HMGCLL1: variants seen among roughly 807,000 people sequenced by gnomAD.
The protein encoded by HMGCLL1 is 3-hydroxy-3-methylglutaryl-CoA lyase like 1, also known as 3-hydroxymethyl-3-methylglutaryl-CoA lyase, cytoplasmic.
In HMGCLL1, 36 loss-of-function variants were observed where a neutral mutation model predicts 39.1. That is an observed-to-expected ratio of 0.92 (90% confidence interval 0.71 to 1.22). The LOEUF (loss-of-function observed/expected upper bound fraction) is 1.22. Ranked by LOEUF, HMGCLL1 falls within the 50% of genes most tolerant of loss-of-function variation. The pLI is 0.00. For missense variants in HMGCLL1, 451 were observed against 416.5 expected (o/e 1.08, Z -0.72); for synonymous variants, 149 against 144.0 (o/e 1.03, Z -0.25).
At chr6:55,540,931 G>C (rs1047795669) in intron 3 of HMGCLL1, among the ~76,000 whole-genome samples, 26 of 152,116 alleles carry the variant, frequency 1.7e-4, no homozygotes, top group Non-Finnish European at 7.3e-5. Flanking sequence ...GGTCATGAAA[G>C]ATGTCAGAGA....
chr6:55,546,070 A>C (rs4596474), intron 1 of HMGCLL1, among the ~76,000 whole-genome samples: 98,411 of 151,910 alleles, frequency 0.65, 32,180 homozygotes, highest in Admixed American at 0.71. Flanking sequence ...GTTTGCTAGA[A>C]AAACATTCTT....
the HMGCLL1 span, among the ~76,000 whole-genome samples, chr6:55,595,200 C>A: frequency 1.3e-5 from 2 of 152,158 alleles, no homozygotes; most frequent in African/African-American, 4.8e-5. Context: ...GAATCACAAT[C>A]ATTTTATGAA....
rs185863887 is a variant in HMGCLL1, at chr6:55,457,964, C to G, written c.796-18405G>C. On this transcript the variant is annotated intron_variant, in intron 7 of 8. Transcript: ENST00000274901. ...GGAAGAGAGAAGGATGCTGCAATTT[C>G]TAGGTCCTCACTAGAACCACATATT... Among the ~76,000 whole-genome samples the G allele has an allele frequency of 2.3e-4, 35 of 152,244 alleles. 1 individual carries two copies. In the East Asian group the frequency reaches 6.4e-3, roughly 28 times the overall value.
upstream of HMGCLL1, among the ~76,000 whole-genome samples, chr6:55,583,169 T>A (rs993516323): frequency 5.3e-5 from 8 of 152,262 alleles, no homozygotes; most frequent in Admixed American, 2.6e-4. Flanking sequence ...TGTAAACTTA[T>A]CTTTGATGAA....
At chr6:55,650,094 T>TAC in the HMGCLL1 span, among the ~76,000 whole-genome samples, 1 of 14,246 alleles carries the variant, frequency 7.0e-5, no homozygotes, top group South Asian at 3.1e-3. Flanking sequence ...CATATACATA[T>TAC]ATATATATAT....
At chr6:55,542,938 A>T (rs1769553641) in intron 1 of HMGCLL1, among the ~76,000 whole-genome samples, 1 of 125,038 alleles carries the variant, frequency 8.0e-6, no homozygotes, top group African/African-American at 3.2e-5. Flanking sequence ...ATATTACTAT[A>T]TTTATAAGTG....
intron 1 of HMGCLL1, among the ~76,000 whole-genome samples, chr6:55,571,216 T>C (rs952203542): frequency 4.6e-5 from 7 of 152,276 alleles, no homozygotes; most frequent in African/African-American, 1.7e-4. Context: ...AAATTACAAG[T>C]CTTTGGAACT....
At chr6:55,612,119 A>T in the HMGCLL1 span, among the ~76,000 whole-genome samples, 1 of 152,184 alleles carries the variant, frequency 6.6e-6, no homozygotes, top group Non-Finnish European at 1.5e-5. Context: ...TAAGAAATCA[A>T]TGTACAAAAA....
intron 6 of HMGCLL1, 43 bp from the exon 7 acceptor site, chr6:55,495,650 G>A: frequency 6.8e-7 from 1 of 1,477,760 alleles, no homozygotes; most frequent in South Asian, 1.4e-5. Flanking sequence ...TGGAAATGAA[G>A]AGACTCAAAC....
the HMGCLL1 span, among the ~76,000 whole-genome samples, chr6:55,636,359 A>G: frequency 6.6e-6 from 1 of 152,172 alleles, no homozygotes; most frequent in Non-Finnish European, 1.5e-5. Context: ...TTGAAGGTTA[A>G]TATGAAAAAT....
At chr6:55,643,660 T>C in the HMGCLL1 span, among the ~76,000 whole-genome samples, 1 of 152,110 alleles carries the variant, frequency 6.6e-6, no homozygotes, top group South Asian at 2.1e-4. Context: ...GTTTCCAAAA[T>C]TCAAGTGTTT....
the HMGCLL1 span, among the ~76,000 whole-genome samples, chr6:55,594,680 C>G: frequency 6.6e-6 from 1 of 152,156 alleles, no homozygotes; most frequent in Non-Finnish European, 1.5e-5. Context: ...CTAGGGACAG[C>G]TAACTCCCTC....
intron 5 of HMGCLL1, among the ~76,000 whole-genome samples, chr6:55,501,675 G>C (rs568840248): frequency 6.6e-6 from 1 of 151,896 alleles, no homozygotes; most frequent in Admixed American, 6.6e-5. Context: ...CTGATGCTTA[G>C]GATATGTTCC....
the HMGCLL1 span, among the ~76,000 whole-genome samples, chr6:55,619,832 C>T: frequency 6.6e-6 from 1 of 151,974 alleles, no homozygotes; most frequent in African/African-American, 2.4e-5. Flanking sequence ...TTAACCATGC[C>T]CACACCGCCC....
chr6:55,560,730 G>A (rs1770906136), intron 1 of HMGCLL1, among the ~76,000 whole-genome samples: 3 of 152,108 alleles, frequency 2.0e-5, no homozygotes, highest in Admixed American at 2.0e-4. Context: ...TGTGCAGACT[G>A]TGATTCCAGC....
intron 1 of HMGCLL1, among the ~76,000 whole-genome samples, chr6:55,552,617 TA>T (rs1310777642): frequency 1.3e-5 from 2 of 151,954 alleles, no homozygotes; most frequent in Non-Finnish European, 2.9e-5. Flanking sequence ...ATACAAATAA[TA>T]GGTACAGAAA....
At chr6:55,669,705 A>G in the HMGCLL1 span, among the ~76,000 whole-genome samples, 4 of 151,900 alleles carry the variant, frequency 2.6e-5, no homozygotes, top group Non-Finnish European at 5.9e-5. Context: ...AAATTCAATA[A>G]CCCAAATTAA....
rs116269858 is a variant in HMGCLL1 at position 55,498,729 on chromosome 6, A to G, written c.606+507T>C. Among the ~76,000 whole-genome samples the G allele has an allele frequency of 4.9e-3, 744 of 152,276 alleles. 8 individuals carry two copies. Among genetic ancestry groups the G allele is most frequent in the African/African-American group, 0.017 (696 of 41,558 alleles). ...ATCAGGGCCTTAATGACTATAACCT[A>G]TTGCTGTAAAATTGTTCTGGAATAA... On this transcript the variant is annotated intron_variant, in intron 6 of 8. Transcript: ENST00000274901.
the HMGCLL1 span, among the ~76,000 whole-genome samples, chr6:55,634,363 C>T: frequency 6.6e-6 from 1 of 151,212 alleles, no homozygotes; most frequent in Non-Finnish European, 1.5e-5. Flanking sequence ...TCTGAAAAAG[C>T]ATGCACACTA....
Sources: allele counts gnomAD v4.1 joint callset (sites outside exome capture counted in the v4.1 genomes callset), GRCh38; gene constraint gnomAD v4.1.1; transcripts MANE v1.5; gene names NCBI Gene and HGNC (gene_info 2026-07-23, HGNC 2026-07-21).